RSF1: variants seen among roughly 807,000 people sequenced by gnomAD.
RSF1 encodes HBV pX-associated protein 8.
In RSF1, 13 loss-of-function variants were observed where a neutral mutation model predicts 145.2. The observed-to-expected ratio is 0.09, with a 90% CI of 0.06 to 0.14. RSF1 has a LOEUF of 0.14. Among genes scored for constraint, RSF1 ranks in the 10% least tolerant of loss-of-function variants. The pLI, the probability that RSF1 is intolerant of heterozygous loss-of-function variation, is 1.00. For missense variants in RSF1, 1,517 were observed against 1,718.2 expected (o/e 0.88, Z 2.07); for synonymous variants, 577 against 592.6 (o/e 0.97, Z 0.38).
At chr11:77,748,411 G>C (rs1454601752) in intron 2 of RSF1, among the ~76,000 whole-genome samples, 1 of 151,762 alleles carries the variant, frequency 6.6e-6, no homozygotes, top group Admixed American at 6.6e-5. Context: ...TTTTTGTAGA[G>C]ACGGGGTTTC....
chr11:77,832,349 G>A, the RSF1 span, among the ~76,000 whole-genome samples: 1 of 150,188 alleles, frequency 6.7e-6, no homozygotes, highest in Non-Finnish European at 1.5e-5. Flanking sequence ...TTTTTGAGAC[G>A]GCGTTTCGCT....
upstream of RSF1, among the ~76,000 whole-genome samples, chr11:77,824,226 C>G (rs1358256695): frequency 6.6e-6 from 1 of 152,132 alleles, no homozygotes; most frequent in Non-Finnish European, 1.5e-5. Context: ...AGCTTAACGA[C>G]AATTTATGTA....
At chr11:77,690,942 G>C in intron 9 of RSF1, 1 of 530,308 alleles carries the variant, frequency 1.9e-6, no homozygotes, top group Non-Finnish European at 3.3e-6. Flanking sequence ...TAATTTTCAT[G>C]TGTCATGAAA....
At chr11:77,668,957 G>GT (rs1043657421) in intron 15 of RSF1, among the ~76,000 whole-genome samples, 6 of 152,118 alleles carry the variant, frequency 3.9e-5, no homozygotes, top group Admixed American at 3.3e-4. Context: ...CCAGACTAGT[G>GT]TATCAAACTG....
At position 77,737,306 on chromosome 11, in the gene RSF1, GGT is replaced by G. The variant is rs1216145739; in HGVS notation, c.578+3423_578+3424del. Among the ~76,000 whole-genome samples the G allele has an allele frequency of 2.6e-5, 4 of 152,032 alleles. No individual in the cohort carries two copies. In the East Asian group the frequency reaches 7.7e-4, roughly 29 times the overall value. ...CTACTAAAAGTACAAAAATTATCCA[GGT>G]GTGGTGGTTCACACCTGTAATCCCA... On this transcript the variant is annotated intron_variant, in intron 4 of 15. Coordinates refer to ENST00000308488, the MANE Select transcript of RSF1 (RefSeq NM_016578.4).
intron 1 of RSF1, among the ~76,000 whole-genome samples, chr11:77,792,352 C>T (rs1244312242): frequency 6.6e-6 from 1 of 152,092 alleles, no homozygotes; most frequent in Non-Finnish European, 1.5e-5. Context: ...ATATCCAAGC[C>T]CAAGAACCCA....
the RSF1 span, among the ~76,000 whole-genome samples, chr11:77,848,359 C>G: frequency 6.6e-6 from 1 of 152,036 alleles, no homozygotes; most frequent in African/African-American, 2.4e-5. Context: ...TTACCATTAA[C>G]CTCATTCTTT....
At chr11:77,816,605 A>G (rs558158205) in intron 1 of RSF1, among the ~76,000 whole-genome samples, 1 of 152,378 alleles carries the variant, frequency 6.6e-6, no homozygotes, top group South Asian at 2.1e-4. Flanking sequence ...TTTATTAGAT[A>G]TATGTAACAT....
chr11:77,702,808 T>G (rs1960458262), intron 5 of RSF1: 1 of 188,576 alleles, frequency 5.3e-6, no homozygotes, highest in African/African-American at 2.3e-5. Context: ...AGAGATGGCT[T>G]AAAAACATAA....
At chr11:77,770,321 G>T (rs1948269599) in intron 1 of RSF1, among the ~76,000 whole-genome samples, 1 of 152,168 alleles carries the variant, frequency 6.6e-6, no homozygotes. Context: ...AATTAGCCAG[G>T]TGTGGTGGCG....
At chr11:77,825,388 A>G (rs780765896), upstream of RSF1, among the ~76,000 whole-genome samples, 1 of 152,208 alleles carries the variant, frequency 6.6e-6, no homozygotes, top group Non-Finnish European at 1.5e-5. Flanking sequence ...TGAGCAAATT[A>G]GGTTTATCTA....
At chr11:77,856,475 C>T in the RSF1 span, among the ~76,000 whole-genome samples, 1 of 152,230 alleles carries the variant, frequency 6.6e-6, no homozygotes, top group South Asian at 2.1e-4. Flanking sequence ...ATAGCAATAC[C>T]CCCTTCCTGG....
upstream of RSF1, chr11:77,820,878 G>A (rs945497650): frequency 8.3e-6 from 6 of 719,730 alleles, no homozygotes; most frequent in Non-Finnish European, 1.3e-5. Flanking sequence ...ATACATCGGC[G>A]GCCCGGAGCA....
At chr11:77,808,217 C>T (rs1948696822) in intron 1 of RSF1, among the ~76,000 whole-genome samples, 1 of 151,840 alleles carries the variant, frequency 6.6e-6, no homozygotes, top group Admixed American at 6.6e-5. Context: ...GCCTGTACTC[C>T]CAGCTATTCA....
chr11:77,698,462 T>C, intron 7 of RSF1, 25 bp downstream of exon 7: 2 of 1,602,658 alleles, frequency 1.2e-6, no homozygotes, highest in Non-Finnish European at 1.7e-6. Flanking sequence ...AATATGAGTA[T>C]TCTTCATTTA....
intron 1 of RSF1, among the ~76,000 whole-genome samples, chr11:77,817,139 G>A (rs967444588): frequency 1.3e-5 from 2 of 152,172 alleles, no homozygotes; most frequent in East Asian, 1.9e-4. Flanking sequence ...CAGTATCTCA[G>A]TAATTTTCTC....
intron 9 of RSF1, among the ~76,000 whole-genome samples, chr11:77,686,600 T>C (rs1252150191): frequency 6.6e-6 from 1 of 151,956 alleles, no homozygotes; most frequent in African/African-American, 2.4e-5. Context: ...CTAGGTCTTT[T>C]AGAGTGCAGC....
chr11:77,743,591 CATTT>C (rs1590862852), intron 3 of RSF1, among the ~76,000 whole-genome samples: 1 of 152,090 alleles, frequency 6.6e-6, no homozygotes, highest in African/African-American at 2.4e-5. Flanking sequence ...TTACTGAATT[CATTT>C]ATTAGTTCTA....
intron 2 of RSF1, among the ~76,000 whole-genome samples, chr11:77,758,194 C>T (rs989951226): frequency 6.6e-6 from 1 of 151,008 alleles, no homozygotes; most frequent in African/African-American, 2.4e-5. Context: ...CTTAGGAAAG[C>T]AATAACAAGT....
Sources: gnomAD v4.1 joint callset for allele counts (sites outside exome capture counted in the v4.1 genomes callset) on GRCh38, gnomAD v4.1.1 for gene constraint, MANE v1.5 for transcripts, NCBI Gene and HGNC (gene_info 2026-07-23, HGNC 2026-07-21) for gene names.